ARFGEF3: variants seen among roughly 807,000 people sequenced by gnomAD.
The protein encoded by ARFGEF3 is brefeldin A-inhibited guanine nucleotide-exchange protein 3.
Under a neutral mutation model 221.7 loss-of-function variants are expected in ARFGEF3, and 96 were observed. The ratio of observed to expected loss-of-function variants is 0.43; its 90% confidence interval spans 0.37 to 0.51. The LOEUF (loss-of-function observed/expected upper bound fraction) is 0.51. Ranked by LOEUF, ARFGEF3 falls within the 20% of genes least tolerant of loss-of-function variation. The pLI, the probability that ARFGEF3 is intolerant of heterozygous loss-of-function variation, is 0.00. For missense variants in ARFGEF3, 2,410 were observed against 2,789.9 expected, an observed-to-expected ratio of 0.86 and a Z score of 3.07; for synonymous variants, 1,145 against 1,126.8, an observed-to-expected ratio of 1.02 and a Z score of -0.32.
chr6:138,283,061 AAAAAG>A (rs973762877), intron 14 of ARFGEF3, among the ~76,000 whole-genome samples: 15 of 152,166 alleles, frequency 9.9e-5, no homozygotes, highest in African/African-American at 3.1e-4. Context: ...TTTAAAAAAA[AAAAAG>A]AAAAGAAAAG....
rs769735041 is a variant in ARFGEF3 at position 138,323,702 on chromosome 6, A to T, written c.4798A>T (p.Thr1600Ser). 1 of 1,613,750 alleles carries T rather than the reference A, an allele frequency of 6.2e-7. No individual in the cohort carries two copies. The highest frequency in any genetic ancestry group is 1.3e-5 in the African/African-American group (1 of 74,972). ...CCTTGTGACAGCGGGCCCTGTGTTCACTGAGGAGATGTGGAGGCTTGCCTG... is the reference window on the plus strand; with the variant it reads ...CCTTGTGACAGCGGGCCCTGTGTTCTCTGAGGAGATGTGGAGGCTTGCCTG... ...YVLVTAGPVF[T>S]EEMWRLACCA... Residue 1600 changes from threonine to serine, a missense_variant, in exon 30 of 34, where the codon ACT becomes TCT. By Grantham distance (58) the Thr-to-Ser change is moderately conservative. Around this residue, in one of 5 missense-constraint regions of ARFGEF3, gnomAD observed 723 missense variants for 991.9 expected, o/e 0.73. Coordinates refer to ENST00000251691, the MANE Select transcript of ARFGEF3 (RefSeq NM_020340.5).
In ARFGEF3 at chr6:138,321,974, G is replaced by A. The variant is rs563565487; in HGVS notation, c.4766+749G>A. On this transcript the variant is annotated intron_variant, in intron 29 of 33. Coordinates refer to ENST00000251691, the MANE Select transcript of ARFGEF3 (RefSeq NM_020340.5). ...AGCAAGTCACATCTTAATGGATGGT[G>A]GCAGGCAAAGAGAGAGCTTGCTCAG... Among the ~76,000 whole-genome samples the A allele has an allele frequency of 3.9e-5, 6 of 152,310 alleles. No homozygotes were observed. The South Asian group carries it at 8.3e-4, about 21-fold the overall frequency.
chr6:138,185,369 G>A (rs565056660), intron 2 of ARFGEF3, among the ~76,000 whole-genome samples: 6 of 152,222 alleles, frequency 3.9e-5, no homozygotes, highest in East Asian at 1.9e-4. Flanking sequence ...TTTAGGACAC[G>A]GAGGGAATTG....
At position 138,334,680 on chromosome 6, in the gene ARFGEF3, C is replaced by T; in HGVS notation, c.5834C>T (p.Ser1945Phe). ...TTCTTCATCCTGCCCTCCTTCCAGTCCGAGTCATCCACCCCATCCACCGGG... is the reference window on the plus strand; with the variant it reads ...TTCTTCATCCTGCCCTCCTTCCAGTTCGAGTCATCCACCCCATCCACCGGG... ...DPFFILPSFQ[S>F]ESSTPSTGGF... Residue 1945 changes from serine to phenylalanine, a missense_variant, in exon 33 of 34, where the codon TCC becomes TTC. Around this residue, in one of 5 missense-constraint regions of ARFGEF3, gnomAD observed 339 missense variants for 334.9 expected, o/e 1.01. Coordinates refer to ENST00000251691, the MANE Select transcript of ARFGEF3 (RefSeq NM_020340.5). This position sits in a 1 kb window ranked among gnomAD's most constrained non-coding sequence, Gnocchi z 5.1. 6.2e-7 allele frequency: 1 copy of T among 1,612,196 alleles called. No homozygotes were observed. The highest frequency in any genetic ancestry group is 8.5e-7 in the Non-Finnish European group (1 of 1,178,536).
At chr6:138,206,977 G>A in intron 2 of ARFGEF3, 65 bp from the exon 3 acceptor site, 1 of 1,318,886 alleles carries the variant, frequency 7.6e-7, no homozygotes, top group South Asian at 1.3e-5. Context: ...TGTACATAAG[G>A]CTTACATCAC....
intron 12 of ARFGEF3, among the ~76,000 whole-genome samples, chr6:138,270,117 C>T (rs1334757976): frequency 1.3e-5 from 2 of 152,214 alleles, no homozygotes; most frequent in South Asian, 2.1e-4. Context: ...TCTCTGGAAG[C>T]GCCACACAAC....
At chr6:138,196,608 C>A (rs2114477315) in intron 2 of ARFGEF3, among the ~76,000 whole-genome samples, 1 of 152,252 alleles carries the variant, frequency 6.6e-6, no homozygotes. Context: ...CTGCTCTAGC[C>A]TTTATAAACA....
At chr6:138,168,504 A>G (rs955597127) in intron 1 of ARFGEF3, among the ~76,000 whole-genome samples, 5 of 152,150 alleles carry the variant, frequency 3.3e-5, no homozygotes, top group African/African-American at 1.2e-4. Flanking sequence ...GGGTGGAGGA[A>G]ATGCTCTCAT....
Position 138,289,703 on chromosome 6 carries a change from G to C in ARFGEF3, c.2897-115G>C, listed in dbSNP as rs1779363864. 10 of 1,120,054 alleles carry C rather than the reference G, an allele frequency of 8.9e-6. No individual in the cohort carries two copies. The South Asian group carries it at 1.4e-4, about 15-fold the overall frequency. 69.4% of individuals were successfully genotyped at this position (1,120,054 alleles called of 1,614,324 possible). The stretch of plus-strand genomic sequence containing the variant: ...AGGACCTACTGTGGAGGTGCTTGCT[G>C]CCACTGAAGTCTGTCCTTTCCCTTT... On this transcript the variant is annotated intron_variant, in intron 17 of 33. Coordinates refer to ENST00000251691, the MANE Select transcript of ARFGEF3 (RefSeq NM_020340.5).
rs563590601 is a variant in ARFGEF3, at chr6:138,256,736, A to AT, written c.1104+974dup. Among the ~76,000 whole-genome samples, 788 of 152,188 alleles carry AT rather than the reference A, an allele frequency of 5.2e-3. 7 individuals carry two copies. The highest frequency in any genetic ancestry group is 0.018 in the African/African-American group (729 of 41,498). ...ACTATATGCCAGGCACTTCACATAT[A>AT]TTTTTTTAATTCATAATAAATTTGT... On this transcript the variant is annotated intron_variant, in intron 10 of 33. Coordinates refer to ENST00000251691, the MANE Select transcript of ARFGEF3 (RefSeq NM_020340.5).
At chr6:138,333,727 C>T (rs1309600794) in intron 32 of ARFGEF3, among the ~76,000 whole-genome samples, 1 of 152,184 alleles carries the variant, frequency 6.6e-6, no homozygotes, top group Non-Finnish European at 1.5e-5. Context: ...CAGGCTTGAG[C>T]CACCGCGCTC....
chr6:138,318,402 T>G (rs1173330694), intron 27 of ARFGEF3, among the ~76,000 whole-genome samples: 1 of 152,222 alleles, frequency 6.6e-6, no homozygotes, highest in Non-Finnish European at 1.5e-5. Flanking sequence ...ATAAGATGTT[T>G]GCTGAAACAT....
Position 138,308,844 on chromosome 6 carries a change from A to T in ARFGEF3, c.4079A>T (p.Lys1360Met). 1 of 1,614,040 alleles carries T rather than the reference A, an allele frequency of 6.2e-7. No individual in the cohort carries two copies. The highest frequency in any genetic ancestry group is 8.5e-7 in the Non-Finnish European group (1 of 1,179,888). Reference sequence around the variant, plus strand: ...ACTAGCTACATCATGTGCCTTATGAAGTTTGTCAAAGGACTGGGTAAGCAG... The same window carrying T: ...ACTAGCTACATCATGTGCCTTATGATGTTTGTCAAAGGACTGGGTAAGCAG... ...AATSYIMCLMKFVKGLGEVDC... is the reference protein window; with the variant it reads ...AATSYIMCLMMFVKGLGEVDC... The change falls in exon 24 of 34, where the codon AAG becomes ATG. Residue 1360 changes from lysine to methionine, a missense_variant. By Grantham distance (95) the Lys-to-Met change is moderately conservative. Transcript: ENST00000251691.
chr6:138,179,708 A>G (rs751736917), intron 2 of ARFGEF3, among the ~76,000 whole-genome samples: 10 of 152,166 alleles, frequency 6.6e-5, no homozygotes, highest in South Asian at 4.1e-4. Context: ...ATATGGTTTT[A>G]CTTTAATTGC....
intron 12 of ARFGEF3, 115 bp from the exon 13 acceptor site, chr6:138,278,336 A>G: frequency 3.2e-6 from 3 of 947,462 alleles, no homozygotes; most frequent in South Asian, 3.0e-5. Context: ...TCAGTGCTAT[A>G]CAGAAATATC....
intron 14 of ARFGEF3, among the ~76,000 whole-genome samples, chr6:138,281,382 A>T (rs550535649): frequency 1.3e-5 from 2 of 152,314 alleles, no homozygotes; most frequent in Admixed American, 6.5e-5. Flanking sequence ...GGCATATTGC[A>T]TGATGCTGAG....
intron 2 of ARFGEF3, among the ~76,000 whole-genome samples, chr6:138,193,998 A>G (rs1486409239): frequency 1.3e-5 from 2 of 152,164 alleles, no homozygotes; most frequent in African/African-American, 2.4e-5. Flanking sequence ...ATGGAGCCGG[A>G]CGCGGTGGCT....
chr6:138,164,467 A>G (rs1261803752), intron 1 of ARFGEF3, among the ~76,000 whole-genome samples: 1 of 152,200 alleles, frequency 6.6e-6, no homozygotes, highest in Non-Finnish European at 1.5e-5. Flanking sequence ...ACATTCCCTG[A>G]GCTCCTCAAT....
intron 2 of ARFGEF3, among the ~76,000 whole-genome samples, chr6:138,174,470 A>T (rs977336653): frequency 2.2e-4 from 3 of 13,452 alleles, no homozygotes; most frequent in African/African-American, 4.9e-4. Flanking sequence ...AGCATCTGCT[A>T]AAAAAAAAAA....
Sources: allele counts gnomAD v4.1 joint callset (sites outside exome capture counted in the v4.1 genomes callset), GRCh38; gene constraint gnomAD v4.1.1; regional missense constraint gnomAD v4.1.1; non-coding constraint Gnocchi (gnomAD v3.1); transcripts MANE v1.5; gene names NCBI Gene and HGNC (gene_info 2026-07-23, HGNC 2026-07-21).